Variants in MPND observed in about 807,000 individuals in gnomAD.
The protein encoded by MPND is MPN domain containing, also known as MPN domain-containing protein.
In MPND, 56 loss-of-function variants were observed where a neutral mutation model predicts 59.2. That is an observed-to-expected ratio of 0.95 (90% CI 0.76 to 1.18). MPND has a LOEUF of 1.18. Ranked by LOEUF, MPND falls within the 50% of genes most tolerant of loss-of-function variation. The probability of loss-of-function intolerance (pLI) is 0.00; values close to 1 mark genes in which losing one functional copy is unlikely to be tolerated. For synonymous variants in MPND, 323 were observed against 291.9 expected (o/e 1.11, Z -1.09); for missense variants, 671 against 676.0 (o/e 0.99, Z 0.08).
rs201494111 is a variant in MPND, at chr19:4,355,164, C to T, written c.987C>T (p.Ile329=). ...GGGACGCAGAGACTGCAGCTGCCAT[C>T]GAAGAGGAGGTGAGGGGCTACCTGG... The part of the protein sequence containing the change: ...RLGDAETAAA[I]EEEIYQSLFL... Residue 329 remains isoleucine, a synonymous_variant, in exon 8 of 13, where the codon ATC becomes ATT. Transcript: ENST00000599840. 14 of 1,612,736 alleles carry T rather than the reference C, an allele frequency of 8.7e-6. No individual in the cohort carries two copies. The highest frequency in any genetic ancestry group is 1.1e-5 in the Non-Finnish European group (13 of 1,179,958).
rs574324937 is a variant in MPND, at chr19:4,350,084, TG to T, written c.532-2806del. Among the ~76,000 whole-genome samples, 441 of 101,930 alleles carry T rather than the reference TG, an allele frequency of 4.3e-3. 2 individuals carry two copies. The highest frequency in any genetic ancestry group is 0.014 in the African/African-American group (398 of 28,306). 66.9% of individuals were successfully genotyped at this position (101,930 alleles called of 152,430 possible). A position where few individuals can be genotyped will look rare whatever the true frequency, so the allele number is the denominator to read the frequency against. On this transcript the variant is annotated intron_variant, in intron 3 of 12. Transcript: ENST00000599840. ...GGGAGTTGTGGGGGAAGAAGGTGGT[TG>T]GGGGGGCTTCACTGAGAAGGTGACA...
At chr19:4,344,102 G>A (rs1972132808) in intron 2 of MPND, 108 bp downstream of exon 2, 6 of 824,194 alleles carry the variant, frequency 7.3e-6, no homozygotes, top group Non-Finnish European at 9.6e-6. Context: ...AGGGGACACT[G>A]AGGCCCGGAG....
In MPND at chr19:4,345,949, C is replaced by T. The variant is rs1479352199; in HGVS notation, c.499C>T (p.Gln167Ter). ...CAAGGCCACCTGGCTCCGGCTGCAC[C>T]AGCTGCACACGCCTGCCACGGCTGC... ...KYKATWLRLHQLHTPATAADE... is the reference protein window; with the variant it reads ...KYKATWLRLH The change falls in exon 3 of 13, where the codon CAG (glutamine) becomes TAG (stop). Residue 167 changes from glutamine to a stop codon, truncating the protein, a stop_gained. Transcript: ENST00000599840. LOFTEE classifies it high-confidence loss of function. 2 of 1,612,916 alleles carry T rather than the reference C, an allele frequency of 1.2e-6. No individual in the cohort carries two copies. The highest frequency in any genetic ancestry group is 1.7e-6 in the Non-Finnish European group (2 of 1,179,844).
intron 8 of MPND, among the ~76,000 whole-genome samples, chr19:4,356,099 G>A (rs1347306639): frequency 7.1e-6 from 1 of 141,014 alleles, no homozygotes; most frequent in African/African-American, 2.7e-5. Flanking sequence ...TGATCCACCC[G>A]CGTCAGCCTC....
intron 9 of MPND, 44 bp from the exon 10 acceptor site, chr19:4,357,471 A>T (rs756200649): frequency 6.2e-7 from 1 of 1,610,034 alleles, no homozygotes; most frequent in South Asian, 1.1e-5. Context: ...ATGCTGGGCC[A>T]GCCGAGCCTC....
intron 4 of MPND, 76 bp from the exon 5 acceptor site, chr19:4,353,969 C>T: frequency 1.5e-6 from 2 of 1,293,114 alleles, no homozygotes; most frequent in East Asian, 2.3e-5. Flanking sequence ...TAGGCATGCA[C>T]CACCACACCC....
In MPND at chr19:4,343,880, G is replaced by T; in HGVS notation, c.180G>T (p.Ala60=). The T allele has an allele frequency of 2.4e-6, 3 of 1,231,034 alleles. No homozygotes were observed. The highest frequency in any genetic ancestry group is 3.0e-6 in the Non-Finnish European group (3 of 991,244). The allele number at this position is 1,231,034 out of a possible 1,614,324, so 76.3% of individuals were successfully genotyped here. Reference sequence around the variant, plus strand: ...GAGGCGGCGGCGGCGGGGCCGGGGCGGGGGGCTGCGGCGGGCCCGGGGGCG... The same window carrying T: ...GAGGCGGCGGCGGCGGGGCCGGGGCTGGGGGCTGCGGCGGGCCCGGGGGCG... ...SGGGGGGGAG[A]GGCGGPGGAL... The change falls in exon 2 of 13, where the codon GCG becomes GCT. Residue 60 remains alanine (A), a synonymous_variant. Coordinates refer to ENST00000599840, the MANE Select transcript of MPND (RefSeq NM_001300862.2).
In MPND at chr19:4,343,733, C is replaced by T; in HGVS notation, c.33C>T (p.Gly11=). Reference sequence around the variant, plus strand: ...CTCCGGAGCCGCTGTCCCCGGCGGGCGGTGCGGGCGAGGAGGCGCCGGAGG... The same window carrying T: ...CTCCGGAGCCGCTGTCCCCGGCGGGTGGTGCGGGCGAGGAGGCGCCGGAGG... MAAPEPLSPA[G]GAGEEAPEED... The change falls in exon 2 of 13, where the codon GGC becomes GGT. Residue 11 remains glycine, a synonymous_variant. Transcript: ENST00000599840. 2.5e-6 allele frequency: 3 copies of T among 1,205,232 alleles called. No individual in the cohort carries two copies. The highest frequency in any genetic ancestry group is 3.1e-6 in the Non-Finnish European group (3 of 970,592). The allele number at this position is 1,205,232 out of a possible 1,614,324, so 74.7% of individuals were successfully genotyped here. A position where few individuals can be genotyped will look rare whatever the true frequency, so the allele number is the denominator to read the frequency against.
chr19:4,358,227 C>T (rs779703886), intron 11 of MPND, 55 bp downstream of exon 11: 27 of 1,451,898 alleles, frequency 1.9e-5, no homozygotes, highest in African/African-American at 8.4e-5. Context: ...GCTGGGCACA[C>T]GATGCGTTGG....
chr19:4,356,176 T>A (rs375120386), intron 8 of MPND, among the ~76,000 whole-genome samples: 14 of 152,194 alleles, frequency 9.2e-5, no homozygotes, highest in African/African-American at 3.1e-4. Context: ...TTGGATCTCC[T>A]AGCCCTGGTG....
chr19:4,354,875 G>A, intron 6 of MPND, 74 bp from the exon 7 acceptor site: 5 of 1,425,492 alleles, frequency 3.5e-6, no homozygotes, highest in Non-Finnish European at 4.8e-6. Context: ...AAGAGAATGA[G>A]GGCACAGGCT....
intron 2 of MPND, among the ~76,000 whole-genome samples, chr19:4,344,245 C>G (rs1392726911): frequency 2.7e-5 from 4 of 148,516 alleles, no homozygotes; most frequent in Non-Finnish European, 6.0e-5. Context: ...AGGAAGAGCC[C>G]CGACATGAAG....
At chr19:4,354,617 A>G (rs912014394) in intron 6 of MPND, 197 bp downstream of exon 6, 2 of 606,174 alleles carry the variant, frequency 3.3e-6, no homozygotes, top group African/African-American at 3.7e-5. Flanking sequence ...CTATAATCCC[A>G]GCACTTTGGG....
intron 3 of MPND, among the ~76,000 whole-genome samples, chr19:4,351,540 G>T (rs1405498998): frequency 6.6e-6 from 1 of 152,148 alleles, no homozygotes; most frequent in Non-Finnish European, 1.5e-5. Context: ...CCGTGGAGTT[G>T]GAGGTCATTG....
chr19:4,348,805 C>T (rs1054381710), intron 3 of MPND: 1 of 152,018 alleles, frequency 6.6e-6, no homozygotes, highest in Non-Finnish European at 1.5e-5. Flanking sequence ...TATAGGCGCC[C>T]ACCACCAGGC....
At chr19:4,359,640 G>T (rs1440531846) in intron 12 of MPND, among the ~76,000 whole-genome samples, 2 of 152,194 alleles carry the variant, frequency 1.3e-5, no homozygotes, top group Non-Finnish European at 2.9e-5. Context: ...CCCCATGGGT[G>T]TCTGGAACCA....
In MPND at chr19:4,359,236, C is replaced by G; in HGVS notation, c.1400C>G (p.Thr467Ser). The G allele has an allele frequency of 1.2e-6, 2 of 1,613,200 alleles. No homozygotes were observed. The highest frequency in any genetic ancestry group is 1.7e-6 in the Non-Finnish European group (2 of 1,179,684). ...CAGGAACCCTGGAGCCAGGAGCACA[C>G]CTACCTCGACAAGCTTAAGGTGAGC... ...RLQEPWSQEH[T>S]YLDKLKISLA... Residue 467 changes from threonine (T) to serine (S), a missense_variant, in exon 12 of 13, where the codon ACC (threonine) becomes AGC (serine). Physicochemically the swap from Thr to Ser is moderately conservative, Grantham distance 58. Coordinates refer to ENST00000599840, the MANE Select transcript of MPND (RefSeq NM_001300862.2).
intron 2 of MPND, 36 bp downstream of exon 2, chr19:4,344,030 G>T: frequency 7.9e-7 from 1 of 1,265,786 alleles, no homozygotes; most frequent in Non-Finnish European, 1.0e-6. Flanking sequence ...ATCGCGGCTC[G>T]GGCAGGAAGG....
intron 3 of MPND, among the ~76,000 whole-genome samples, chr19:4,351,071 G>A (rs748288214): frequency 6.6e-6 from 1 of 152,056 alleles, no homozygotes; most frequent in Non-Finnish European, 1.5e-5. Flanking sequence ...CCTCCACAAG[G>A]GCAGTTTAGG....
Sources: allele counts gnomAD v4.1 joint callset (sites outside exome capture counted in the v4.1 genomes callset), GRCh38; gene constraint gnomAD v4.1.1; transcripts MANE v1.5; gene names NCBI Gene and HGNC (gene_info 2026-07-23, HGNC 2026-07-21).